CDH2: variants seen among roughly 807,000 people sequenced by gnomAD.
The protein encoded by CDH2 is cadherin 2.
In CDH2, 17 loss-of-function variants were observed where a neutral mutation model predicts 92.0. The observed-to-expected ratio is 0.18, with a 90% confidence interval of 0.13 to 0.28. The LOEUF (loss-of-function observed/expected upper bound fraction) is 0.28, where lower values mean the gene tolerates loss of function less well. Among genes scored for constraint, CDH2 ranks in the 10% least tolerant of loss-of-function variants. The pLI, the probability that CDH2 is intolerant of heterozygous loss-of-function variation, is 1.00. For missense variants in CDH2, 862 were observed against 1,133.1 expected (o/e 0.76, Z 3.44); for synonymous variants, 419 against 415.9 (o/e 1.01, Z -0.09).
Position 28,131,683 on chromosome 18 carries a change from G to GGTGTGTGT in CDH2, c.172+15982_172+15989dup, listed in dbSNP as rs33990872. ...AAGATACTGTTCAAAAAGCATTTGT[G>GGTGTGTGT]GTGTGTGTGTGTGTGTGTGTGTGTG... On this transcript the variant is annotated intron_variant, in intron 2 of 15. Coordinates refer to ENST00000269141, the MANE Select transcript of CDH2 (RefSeq NM_001792.5). 2.0e-3 allele frequency among the ~76,000 whole-genome samples: 299 copies of GGTGTGTGT among 150,288 alleles called. 3 individuals are homozygous for GGTGTGTGT. The highest frequency in any genetic ancestry group is 0.016 in the South Asian group (76 of 4,678).
chr18:27,963,551 G>C, intron 14 of CDH2, 30 bp from the exon 15 acceptor site: 2 of 1,604,970 alleles, frequency 1.2e-6, no homozygotes, highest in Non-Finnish European at 1.7e-6. Flanking sequence ...AAAACCGATG[G>C]GAGATGGGCA....
At chr18:28,119,344 C>G (rs1264972203) in intron 2 of CDH2, among the ~76,000 whole-genome samples, 1 of 151,938 alleles carries the variant, frequency 6.6e-6, no homozygotes, top group Non-Finnish European at 1.5e-5. Flanking sequence ...TAATAAAGAG[C>G]CAAAACGAAT....
intron 14 of CDH2, among the ~76,000 whole-genome samples, chr18:27,975,316 A>G (rs2011789482): frequency 6.6e-6 from 1 of 152,202 alleles, no homozygotes; most frequent in African/African-American, 2.4e-5. Flanking sequence ...TTACTGTCAC[A>G]ACCTCCTTTG....
intron 15 of CDH2, among the ~76,000 whole-genome samples, chr18:27,956,004 G>T (rs534805797): frequency 3.9e-5 from 6 of 152,086 alleles, no homozygotes; most frequent in Non-Finnish European, 8.8e-5. Context: ...TCTGAACGAG[G>T]TATTATATAA....
At chr18:27,956,740 C>T (rs962016187) in intron 15 of CDH2, among the ~76,000 whole-genome samples, 3 of 152,048 alleles carry the variant, frequency 2.0e-5, no homozygotes, top group Non-Finnish European at 4.4e-5. Context: ...AGAGTTCCCC[C>T]GACAATGGGC....
chr18:28,047,876 A>AAAC (rs2014112438), intron 2 of CDH2, among the ~76,000 whole-genome samples: 1 of 151,188 alleles, frequency 6.6e-6, no homozygotes, highest in African/African-American at 2.4e-5. Context: ...CTCAAAAAAA[A>AAAC]AAAAAAAAAA....
intron 8 of CDH2, among the ~76,000 whole-genome samples, chr18:27,993,213 C>A (rs1395001834): frequency 1.3e-5 from 2 of 152,144 alleles, no homozygotes; most frequent in Admixed American, 6.5e-5. Context: ...AGCTCATGCA[C>A]CTGAAAATAT....
At chr18:27,996,285 C>T (rs1252397536) in intron 7 of CDH2, among the ~76,000 whole-genome samples, 1 of 152,030 alleles carries the variant, frequency 6.6e-6, no homozygotes, top group Non-Finnish European at 1.5e-5. Context: ...ACAGAGTGAA[C>T]ATTTTGGGTT....
chr18:28,015,148 C>A (rs886395293), intron 2 of CDH2, among the ~76,000 whole-genome samples: 2 of 152,138 alleles, frequency 1.3e-5, no homozygotes, highest in African/African-American at 4.8e-5. Flanking sequence ...AGTTCTTCTG[C>A]TGTCATTAGA....
intron 2 of CDH2, among the ~76,000 whole-genome samples, chr18:28,052,858 A>G (rs913340847): frequency 2.6e-5 from 4 of 152,188 alleles, no homozygotes; most frequent in African/African-American, 9.6e-5. Flanking sequence ...GTGTCCCCTT[A>G]AAATTCATGC....
intron 2 of CDH2, among the ~76,000 whole-genome samples, chr18:28,043,461 A>AATATATATAT (rs1158754890): frequency 1.3e-3 from 94 of 71,912 alleles, no homozygotes; most frequent in African/African-American, 3.0e-3. Context: ...GATATAAATA[A>AATATATATAT]ATATATATAT....
intron 2 of CDH2, among the ~76,000 whole-genome samples, chr18:28,103,491 A>G (rs57475868): frequency 1.4e-5 from 2 of 138,572 alleles, no homozygotes; most frequent in Non-Finnish European, 3.2e-5. Flanking sequence ...ACACACACAC[A>G]CACACACATA....
intron 2 of CDH2, among the ~76,000 whole-genome samples, chr18:28,088,093 G>C (rs929696807): frequency 6.6e-6 from 1 of 152,180 alleles, no homozygotes; most frequent in Non-Finnish European, 1.5e-5. Context: ...GTAAGTCAGA[G>C]AAAATTAAAT....
chr18:28,140,160 A>T (rs1044765130), intron 2 of CDH2, among the ~76,000 whole-genome samples: 1 of 152,018 alleles, frequency 6.6e-6, no homozygotes, highest in African/African-American at 2.4e-5. Context: ...CAATTTTAAA[A>T]ATAGATCAAT....
intron 15 of CDH2, among the ~76,000 whole-genome samples, chr18:27,953,813 G>A (rs900832854): frequency 1.3e-5 from 2 of 152,094 alleles, no homozygotes; most frequent in Admixed American, 6.6e-5. Context: ...AAAGGGACCC[G>A]AGGTCTCACC....
At chr18:27,935,844 A>T (rs1430015919) in intron 6 of CDH2, among the ~76,000 whole-genome samples, 1 of 152,220 alleles carries the variant, frequency 6.6e-6, no homozygotes, top group South Asian at 2.1e-4. Flanking sequence ...ATAGTTTCTT[A>T]TGCAACTAAA....
intron 2 of CDH2, among the ~76,000 whole-genome samples, chr18:28,042,305 C>G (rs2013962921): frequency 6.6e-6 from 1 of 152,092 alleles, no homozygotes; most frequent in African/African-American, 2.4e-5. Context: ...TAGTAGCATT[C>G]CAGTTTAAAA....
At chr18:27,960,049 A>ACACAC (rs773010323) in intron 15 of CDH2, among the ~76,000 whole-genome samples, 4 of 63,304 alleles carry the variant, frequency 6.3e-5, no homozygotes, top group Middle Eastern at 8.5e-3. Context: ...CACACACACA[A>ACACAC]ACACACACTC....
intron 2 of CDH2, among the ~76,000 whole-genome samples, chr18:28,077,224 A>C (rs1322558648): frequency 6.6e-6 from 1 of 152,168 alleles, no homozygotes; most frequent in African/African-American, 2.4e-5. Flanking sequence ...ACTACTGAGT[A>C]ATGGCATAGT....
Sources: gnomAD v4.1 joint callset for allele counts (sites outside exome capture counted in the v4.1 genomes callset) on GRCh38, gnomAD v4.1.1 for gene constraint, MANE v1.5 for transcripts, NCBI Gene and HGNC (gene_info 2026-07-23, HGNC 2026-07-21) for gene names.